The following CLIP2 variants were observed in gnomAD, a reference collection of about 807,000 sequenced individuals.
The protein encoded by CLIP2 is CAP-Gly domain containing linker protein 2.
Under a neutral mutation model 111.7 loss-of-function variants are expected in CLIP2, and 41 were observed. The observed-to-expected ratio is 0.37, with a 90% CI of 0.29 to 0.48. CLIP2 has a LOEUF of 0.48. Among genes scored for constraint, CLIP2 ranks in the 20% least tolerant of loss-of-function variants. CLIP2 has a pLI of 0.99. For synonymous variants in CLIP2, 660 were observed against 644.2 expected (o/e 1.02, Z -0.37); for missense variants, 1,160 against 1,422.1 (o/e 0.82, Z 2.96).
Position 74,294,543 on chromosome 7 carries a change from C to T in CLIP2, c.-68+4809C>T, listed in dbSNP as rs563449748. 2.4e-4 allele frequency among the ~76,000 whole-genome samples: 36 copies of T among 152,252 alleles called. No homozygotes were observed. The South Asian group carries it at 6.4e-3, about 27-fold the overall frequency. ...CATTTCCCTCCTTTGCCTTTTTGGTCCCTTGGGATGAGAGGGCGGAATTTC... is the reference window on the plus strand; with the variant it reads ...CATTTCCCTCCTTTGCCTTTTTGGTTCCTTGGGATGAGAGGGCGGAATTTC... On this transcript the variant is annotated intron_variant, in intron 1 of 16. Transcript: ENST00000223398.
intron 1 of CLIP2, among the ~76,000 whole-genome samples, chr7:74,294,008 C>G (rs1367850482): frequency 6.6e-6 from 1 of 152,050 alleles, no homozygotes; most frequent in African/African-American, 2.4e-5. Flanking sequence ...CCTCTGCCTC[C>G]CGGGTTCAAG....
intron 6 of CLIP2, 29 bp downstream of exon 6, chr7:74,357,506 G>T: frequency 1.3e-6 from 2 of 1,584,746 alleles, no homozygotes; most frequent in South Asian, 2.3e-5. Flanking sequence ...TGGGGGCAGA[G>T]CTTCTCCAGC....
chr7:74,325,505 G>C (rs1789083848), intron 2 of CLIP2, among the ~76,000 whole-genome samples: 1 of 152,128 alleles, frequency 6.6e-6, no homozygotes, highest in Non-Finnish European at 1.5e-5. Context: ...GCCGTTCAGG[G>C]AAAAACATCC....
Position 74,376,951 on chromosome 7 carries a change from G to T in CLIP2, c.2421+129G>T. 2.1e-6 allele frequency: 2 copies of T among 944,892 alleles called. No individual in the cohort carries two copies. The highest frequency in any genetic ancestry group is 3.1e-6 in the Non-Finnish European group (2 of 652,456). The allele number at this position is 944,892 out of a possible 1,614,324, so 58.5% of individuals were successfully genotyped here. On this transcript the variant is annotated intron_variant, in intron 10 of 16. Transcript: ENST00000223398. The surrounding 1 kb of genome is among the most constrained non-coding windows in gnomAD (Gnocchi z 7.1). ...CGAGAGCATGCCTGGGGCAGTCAAG[G>T]AAGGGGTCACCTGGCTTAGAGGAGG...
rs547640586 is a variant in CLIP2, at chr7:74,393,097, G to A, written c.2720+3838G>A. Among the ~76,000 whole-genome samples the A allele has an allele frequency of 2.3e-3, 341 of 148,414 alleles. 3 individuals carry two copies. The highest frequency in any genetic ancestry group is 8.0e-3 in the African/African-American group (323 of 40,452). On this transcript the variant is annotated intron_variant, in intron 13 of 16. Coordinates refer to ENST00000223398, the MANE Select transcript of CLIP2 (RefSeq NM_003388.5). ...GTTGCCCAGGCTGCAGTACAGTGGC[G>A]CGATCTCAGGTCACTGCAACCTCCA...
intron 3 of CLIP2, among the ~76,000 whole-genome samples, chr7:74,351,064 A>G (rs1210289756): frequency 2.8e-5 from 2 of 71,196 alleles, no homozygotes; most frequent in Non-Finnish European, 3.5e-5. Context: ...GAAGAAAGAA[A>G]GAGAAAGAAA....
intron 11 of CLIP2, 138 bp downstream of exon 11, chr7:74,381,001 A>T (rs782749435): frequency 1.3e-6 from 1 of 797,802 alleles, no homozygotes; most frequent in Non-Finnish European, 2.2e-6. Context: ...TGAGCTATGT[A>T]CTCCTGCAAG....
At chr7:74,296,804 A>G (rs1427315382) in intron 1 of CLIP2, among the ~76,000 whole-genome samples, 1 of 151,250 alleles carries the variant, frequency 6.6e-6, no homozygotes, top group Admixed American at 6.6e-5. Flanking sequence ...AAAAAAAAAA[A>G]AGAGAAAAGA....
rs546666940 is a variant in CLIP2, at chr7:74,368,449, G to A, written c.1380+4134G>A. Among the ~76,000 whole-genome samples, 25 of 151,894 alleles carry A rather than the reference G, an allele frequency of 1.6e-4. No homozygotes were observed. The South Asian group carries it at 3.5e-3, about 21-fold the overall frequency. On this transcript the variant is annotated intron_variant, in intron 8 of 16. Coordinates refer to ENST00000223398, the MANE Select transcript of CLIP2 (RefSeq NM_003388.5). Reference sequence around the variant, plus strand: ...GGAGAATCGCTTGAACCTGGGAGGCGGAGGTTGCAGTGAGCCGAGATCGCG... The same window carrying A: ...GGAGAATCGCTTGAACCTGGGAGGCAGAGGTTGCAGTGAGCCGAGATCGCG...
At chr7:74,296,613 C>A (rs1208907432) in intron 1 of CLIP2, among the ~76,000 whole-genome samples, 4 of 151,324 alleles carry the variant, frequency 2.6e-5, no homozygotes, top group African/African-American at 9.7e-5. Context: ...TGTGGTGAAA[C>A]CCTGTTTCTA....
rs141475918 is a variant in CLIP2 at position 74,351,088 on chromosome 7, AGAAG to A, written c.679-2786_679-2783del. 2.1e-3 allele frequency among the ~76,000 whole-genome samples: 54 copies of A among 25,692 alleles called. 1 individual carries two copies. Among genetic ancestry groups the A allele is most frequent in the Middle Eastern group, 0.045 (1 of 22 alleles). The allele number at this position is 25,692 out of a possible 152,430, so 16.9% of individuals were successfully genotyped here. A position where few individuals can be genotyped will look rare whatever the true frequency, so the allele number is the denominator to read the frequency against. On this transcript the variant is annotated intron_variant, in intron 3 of 16. Transcript: ENST00000223398. ...AAGAGAAAGAAAGAAAGAAAGAAAA[AGAAG>A]GAAGGGAAGGGAAGGAAGGGAAGAA... is the stretch of plus-strand genomic sequence containing the variant.
intron 8 of CLIP2, among the ~76,000 whole-genome samples, chr7:74,370,612 C>A (rs1790591200): frequency 7.0e-6 from 1 of 142,296 alleles, no homozygotes; most frequent in South Asian, 2.3e-4. Context: ...CCCACCACCA[C>A]CCCCCTGCCT....
chr7:74,361,956 C>T (rs76768690), intron 7 of CLIP2, among the ~76,000 whole-genome samples: 9,287 of 152,130 alleles, frequency 0.061, 367 homozygotes, highest in South Asian at 0.095. Flanking sequence ...CAAAAATTAG[C>T]TGGGCATGGT....
At chr7:74,295,696 C>T (rs1055086270) in intron 1 of CLIP2, among the ~76,000 whole-genome samples, 2 of 152,048 alleles carry the variant, frequency 1.3e-5, no homozygotes, top group Non-Finnish European at 2.9e-5. Flanking sequence ...CGCAGTATAA[C>T]CAGATTAAAA....
At chr7:74,398,731 T>C (rs1226261636) in intron 14 of CLIP2, among the ~76,000 whole-genome samples, 1 of 151,552 alleles carries the variant, frequency 6.6e-6, no homozygotes, top group Non-Finnish European at 1.5e-5. Context: ...GGTCACTGAG[T>C]CCTGCCGGCC....
chr7:74,301,235 G>T lies in CLIP2; in HGVS notation c.-68+11501G>T, dbSNP rs187048754. Among the ~76,000 whole-genome samples, 3 of 152,074 alleles carry T rather than the reference G, an allele frequency of 2.0e-5. No homozygotes were observed. The South Asian group carries it at 6.2e-4, about 31-fold the overall frequency. ...TGGCCGCTTGTATGTCTTCTTTTGTGTGCACTCTTTTTATGTCCGACTTCT... is the reference window on the plus strand; with the variant it reads ...TGGCCGCTTGTATGTCTTCTTTTGTTTGCACTCTTTTTATGTCCGACTTCT... On this transcript the variant is annotated intron_variant, in intron 1 of 16. Coordinates refer to ENST00000223398, the MANE Select transcript of CLIP2 (RefSeq NM_003388.5).
intron 3 of CLIP2, 68 bp downstream of exon 3, chr7:74,339,072 G>A: frequency 2.4e-5 from 35 of 1,478,194 alleles, no homozygotes; most frequent in Non-Finnish European, 3.2e-5. Flanking sequence ...CCCACTTGGC[G>A]AAGCTGGACC....
chr7:74,298,590 TGGC>T (rs1554726372), intron 1 of CLIP2, among the ~76,000 whole-genome samples: 2 of 151,832 alleles, frequency 1.3e-5, no homozygotes, highest in East Asian at 3.9e-4. Context: ...TGCAGTGGCG[TGGC>T]GTGATCTCGG....
At chr7:74,308,169 G>C (rs1163153265) in intron 1 of CLIP2, among the ~76,000 whole-genome samples, 1 of 152,210 alleles carries the variant, frequency 6.6e-6, no homozygotes, top group Non-Finnish European at 1.5e-5. Context: ...AATGCAAATA[G>C]GAGAAGTGAA....
Sources: gnomAD v4.1 joint callset for allele counts (sites outside exome capture counted in the v4.1 genomes callset) on GRCh38, gnomAD v4.1.1 for gene constraint, Gnocchi (gnomAD v3.1) non-coding constraint, MANE v1.5 for transcripts, NCBI Gene and HGNC (gene_info 2026-07-23, HGNC 2026-07-21) for gene names.